GJA3: variants seen among roughly 807,000 people sequenced by gnomAD.
GJA3 encodes the protein gap junction protein alpha 3.
For missense variants in GJA3, 571 were observed against 620.3 expected, an observed-to-expected ratio of 0.92 and a Z score of 0.84; for synonymous variants, 297 against 292.6, an observed-to-expected ratio of 1.02 and a Z score of -0.15.
chr13:20,152,398 T>G (rs550364496), intron 1 of GJA3, among the ~76,000 whole-genome samples: 1 of 152,292 alleles, frequency 6.6e-6, no homozygotes, highest in South Asian at 2.1e-4. Context: ...AGAAATTTTT[T>G]TTTTGAGACA....
intron 1 of GJA3, among the ~76,000 whole-genome samples, chr13:20,143,847 C>T (rs1050361802): frequency 1.3e-5 from 2 of 152,200 alleles, no homozygotes; most frequent in Admixed American, 6.5e-5. Flanking sequence ...AATGGAAAAT[C>T]GGCACTAATA....
intron 1 of GJA3, among the ~76,000 whole-genome samples, chr13:20,156,386 A>G (rs1186890423): frequency 6.6e-6 from 1 of 152,132 alleles, no homozygotes; most frequent in Non-Finnish European, 1.5e-5. Context: ...GGCTCACTGC[A>G]ACCTCTGCCT....
At chr13:20,157,575 T>C (rs1958913457) in intron 1 of GJA3, among the ~76,000 whole-genome samples, 1 of 152,206 alleles carries the variant, frequency 6.6e-6, no homozygotes, top group Admixed American at 6.5e-5. Context: ...AGCACAGAAG[T>C]GCCCAACCTC....
chr13:20,161,352 G>C (rs947478015), upstream of GJA3, among the ~76,000 whole-genome samples: 1 of 152,080 alleles, frequency 6.6e-6, no homozygotes, highest in African/African-American at 2.4e-5. Flanking sequence ...CGTGAGAGGA[G>C]AGCCGAGGGC....
intron 1 of GJA3, among the ~76,000 whole-genome samples, chr13:20,143,734 C>G (rs982858359): frequency 6.6e-6 from 1 of 152,204 alleles, no homozygotes; most frequent in African/African-American, 2.4e-5. Context: ...GAACTTCTGC[C>G]ATGTTAATCT....
chr13:20,142,047 T>A lies in GJA3; in HGVS notation c.1242A>T (p.Pro414=). ...MHQPPLPLGD[P]GRASKASRAS... ...CCCTGCTGGCCTTGCTGGCCCGACC[T>A]GGGTCTCCGAGGGGCAAGGGCGGCT... The change falls in exon 2 of 2, where the codon CCA becomes CCT. Residue 414 remains proline (P), a synonymous_variant. Coordinates refer to ENST00000241125, the MANE Select transcript of GJA3 (RefSeq NM_021954.4). 2 of 1,550,248 alleles carry A rather than the reference T, an allele frequency of 1.3e-6. No homozygotes were observed. The highest frequency in any genetic ancestry group is 1.7e-6 in the Non-Finnish European group (2 of 1,146,792).
Position 20,141,795 on chromosome 13 carries a change from A to C in GJA3, c.*186T>G. ...GGGAGTTATCCCCACTGTAACTCAC[A>C]GTGCTAAGAACAGCAAGCATTGAAC... is the stretch of plus-strand genomic sequence containing the variant. On this transcript the variant is annotated 3_prime_UTR_variant, in exon 2 of 2. Transcript: ENST00000241125. 1.2e-6 allele frequency: 1 copy of C among 813,018 alleles called. No individual in the cohort carries two copies. Among genetic ancestry groups the C allele is most frequent in the South Asian group, 2.1e-5 (1 of 48,560 alleles). 50.4% of individuals were successfully genotyped at this position (813,018 alleles called of 1,614,324 possible).
intron 1 of GJA3, among the ~76,000 whole-genome samples, chr13:20,160,226 C>T (rs746470366): frequency 2.0e-5 from 3 of 152,206 alleles, no homozygotes; most frequent in Non-Finnish European, 4.4e-5. Context: ...TTTTCCACTC[C>T]TCTGCAAATT....
At chr13:20,158,350 G>A (rs756519795) in intron 1 of GJA3, among the ~76,000 whole-genome samples, 13 of 151,932 alleles carry the variant, frequency 8.6e-5, no homozygotes, top group Non-Finnish European at 1.5e-4. Flanking sequence ...CTATTGCTGT[G>A]TAACCAGAAA....
At chr13:20,153,934 A>G (rs1354393125) in intron 1 of GJA3, among the ~76,000 whole-genome samples, 1 of 152,166 alleles carries the variant, frequency 6.6e-6, no homozygotes, top group Admixed American at 6.5e-5. Flanking sequence ...CTGACAGAAC[A>G]TATTAGTTTT....
At chr13:20,160,295 A>C (rs1958929619) in intron 1 of GJA3, among the ~76,000 whole-genome samples, 1 of 152,240 alleles carries the variant, frequency 6.6e-6, no homozygotes, top group Non-Finnish European at 1.5e-5. Flanking sequence ...TCGTGGCATT[A>C]ATAGCTACAG....
chr13:20,142,314 C>T lies in GJA3; in HGVS notation c.975G>A (p.Glu325=), dbSNP rs1354766077. Residue 325 remains glutamate (E), a synonymous_variant, in exon 2 of 2, where the codon GAG becomes GAA. Transcript: ENST00000241125. ...YNGHHHLLMT[E]QNWANQAAER... ...CGGCCGCCTGGTTGGCCCAGTTCTG[C>T]TCAGTCATCAGCAGGTGGTGGTGGC... The T allele has an allele frequency of 1.9e-6, 3 of 1,575,192 alleles. No homozygotes were observed. Among genetic ancestry groups the T allele is most frequent in the South Asian group, 2.3e-5 (2 of 86,054 alleles).
chr13:20,142,361 G>C lies in GJA3; in HGVS notation c.928C>G (p.Gln310Glu). Residue 310 changes from glutamine to glutamate, a missense_variant, in exon 2 of 2, where the codon CAG (glutamine) becomes GAG (glutamate). Transcript: ENST00000241125. ...TGGCCGTTGTAGAGCTTGGCGGACT[G>C]GCCCTTTCCGCGCGCCTCGGTCAGG... is the stretch of plus-strand genomic sequence containing the variant. Reference protein sequence around the residue: ...LALTEARGKGQSAKLYNGHHH... With the variant: ...LALTEARGKGESAKLYNGHHH... 2 of 1,537,214 alleles carry C rather than the reference G, an allele frequency of 1.3e-6. No homozygotes were observed. The highest frequency in any genetic ancestry group is 1.8e-6 in the Non-Finnish European group (2 of 1,142,542).
At position 20,142,696 on chromosome 13, in the gene GJA3, G is replaced by T. The variant is rs1425849074; in HGVS notation, c.593C>A (p.Thr198Lys). Residue 198 changes from threonine to lysine, a missense_variant, in exon 2 of 2, where the codon ACG becomes AAG. By Grantham distance (78) the Thr-to-Lys change is moderately conservative. Coordinates refer to ENST00000241125, the MANE Select transcript of GJA3 (RefSeq NM_021954.4). ...NTVDCFISRPTEKTIFIIFML... is the reference protein window; with the variant it reads ...NTVDCFISRPKEKTIFIIFML... Reference sequence around the variant, plus strand: ...GAAGATGATGAAGATGGTCTTCTCCGTGGGCCTGGAGATGAAGCAGTCCAC... The same window carrying T: ...GAAGATGATGAAGATGGTCTTCTCCTTGGGCCTGGAGATGAAGCAGTCCAC... 2 of 1,613,794 alleles carry T rather than the reference G, an allele frequency of 1.2e-6. No individual in the cohort carries two copies. The highest frequency in any genetic ancestry group is 2.7e-5 in the African/African-American group (2 of 74,948).
rs1958790989 is a variant in GJA3, at chr13:20,138,791, G to A, written c.*3190C>T. The A allele has an allele frequency of 1.3e-5, 2 of 152,038 alleles. No individual in the cohort carries two copies. Among genetic ancestry groups the A allele is most frequent in the Non-Finnish European group, 1.5e-5 (1 of 68,016 alleles). The allele number at this position is 152,038 out of a possible 1,614,324, so 9.4% of individuals were successfully genotyped here. A position where few individuals can be genotyped will look rare whatever the true frequency, so the allele number is the denominator to read the frequency against. On this transcript the variant is annotated 3_prime_UTR_variant, in exon 2 of 2. Coordinates refer to ENST00000241125, the MANE Select transcript of GJA3 (RefSeq NM_021954.4). ...TGAATTAGTGTTACAAATATCAGAA[G>A]TTCAAAAAATTCAGAAAAAAGGAGT... is the stretch of plus-strand genomic sequence containing the variant.
chr13:20,159,580 C>G (rs931165454), intron 1 of GJA3, among the ~76,000 whole-genome samples: 3 of 144,846 alleles, frequency 2.1e-5, no homozygotes, highest in African/African-American at 7.8e-5. Flanking sequence ...ATGTGAGTAA[C>G]ATTCAAGAAA....
At chr13:20,153,328 G>A (rs1465544104) in intron 1 of GJA3, among the ~76,000 whole-genome samples, 1 of 152,196 alleles carries the variant, frequency 6.6e-6, no homozygotes, top group Admixed American at 6.5e-5. Flanking sequence ...AAAGACACAA[G>A]CACATGTATG....
At chr13:20,147,541 A>G (rs1322983404) in intron 1 of GJA3, among the ~76,000 whole-genome samples, 1 of 152,236 alleles carries the variant, frequency 6.6e-6, no homozygotes, top group East Asian at 1.9e-4. Flanking sequence ...GTCTGATACC[A>G]GCTATTTTAT....
chr13:20,144,118 T>A (rs1396776033), intron 1 of GJA3, among the ~76,000 whole-genome samples: 1 of 152,126 alleles, frequency 6.6e-6, no homozygotes, highest in Non-Finnish European at 1.5e-5. Context: ...AGGCCACTAT[T>A]AGGATAGAAA....
Sources: gnomAD v4.1 joint callset for allele counts (sites outside exome capture counted in the v4.1 genomes callset) on GRCh38, gnomAD v4.1.1 for gene constraint, MANE v1.5 for transcripts, NCBI Gene and HGNC (gene_info 2026-07-23, HGNC 2026-07-21) for gene names.